Variants in DNAJC3 observed in about 807,000 individuals in gnomAD.
DNAJC3 encodes DnaJ heat shock protein family (Hsp40) member C3, also known as dnaJ homolog subfamily C member 3.
In DNAJC3, 38 loss-of-function variants were observed where a neutral mutation model predicts 68.6. That is an observed-to-expected ratio of 0.55 (90% CI 0.43 to 0.73). The LOEUF is 0.73. DNAJC3 is among the 30% of genes least tolerant of loss of function. The probability of loss-of-function intolerance (pLI) is 0.00; values close to 1 mark genes in which losing one functional copy is unlikely to be tolerated. For synonymous variants in DNAJC3, 203 were observed against 204.0 expected (o/e 1.00, Z 0.04); for missense variants, 526 against 591.9 (o/e 0.89, Z 1.16).
In DNAJC3 at chr13:95,708,332, A is replaced by G. The variant is rs1431709133; in HGVS notation, c.83-895A>G. Among the ~76,000 whole-genome samples, 4 of 152,350 alleles carry G rather than the reference A, an allele frequency of 2.6e-5. No individual in the cohort carries two copies. In the East Asian group the frequency reaches 7.7e-4, roughly 29 times the overall value. On this transcript the variant is annotated intron_variant, in intron 1 of 11. Transcript: ENST00000602402. ...GAGGCAACATATTGATAATTGGCCT[A>G]GTCCATCAGATCATGTTATTGATTC...
intron 4 of DNAJC3, chr13:95,742,696 A>C (rs112476894): frequency 1.9e-6 from 1 of 518,652 alleles, no homozygotes. Context: ...TATACTTGCT[A>C]TTTTGGTTCT....
intron 4 of DNAJC3, among the ~76,000 whole-genome samples, chr13:95,740,076 A>C (rs1238657105): frequency 6.6e-6 from 1 of 151,960 alleles, no homozygotes; most frequent in African/African-American, 2.4e-5. Context: ...CTGCCGTGTG[A>C]GGTGTCAGTG....
At chr13:95,685,242 A>G (rs374808376) in intron 1 of DNAJC3, among the ~76,000 whole-genome samples, 5 of 152,362 alleles carry the variant, frequency 3.3e-5, no homozygotes, top group South Asian at 2.1e-4. Context: ...CCTTGCTGCA[A>G]TATGCCCTGG....
In DNAJC3 at chr13:95,787,249, G is replaced by C. The variant is rs542140095; in HGVS notation, c.1357+94G>C. On this transcript the variant is annotated intron_variant, in intron 11 of 11. Transcript: ENST00000602402. ...TGGGTTCTCCACGTGGGGCTGTATA[G>C]GCAGTGACGGGTCCTGAGCCCAGTT... 5 of 1,473,528 alleles carry C rather than the reference G, an allele frequency of 3.4e-6. No individual in the cohort carries two copies. The South Asian group carries it at 7.1e-5, about 21-fold the overall frequency. 91.3% of individuals were successfully genotyped at this position (1,473,528 alleles called of 1,614,324 possible). A position where few individuals can be genotyped will look rare whatever the true frequency, so the allele number is the denominator to read the frequency against.
chr13:95,678,685 T>C (rs185221983), intron 1 of DNAJC3, among the ~76,000 whole-genome samples: 7 of 152,368 alleles, frequency 4.6e-5, no homozygotes, highest in Middle Eastern at 3.4e-3. Flanking sequence ...ATAATTTATT[T>C]TGGACACTTA....
intron 3 of DNAJC3, among the ~76,000 whole-genome samples, chr13:95,723,831 C>T (rs1396707683): frequency 1.3e-5 from 2 of 152,184 alleles, no homozygotes; most frequent in African/African-American, 4.8e-5. Flanking sequence ...AACCAATCCA[C>T]AAGCTTCAGA....
At chr13:95,757,922 G>A in intron 5 of DNAJC3, 126 bp downstream of exon 5, 1 of 1,055,182 alleles carries the variant, frequency 9.5e-7, no homozygotes, top group Non-Finnish European at 1.3e-6. Flanking sequence ...TTGGGCTTTT[G>A]CCTCTTAAGT....
intron 1 of DNAJC3, among the ~76,000 whole-genome samples, chr13:95,683,793 T>G (rs113324371): frequency 0.017 from 2,589 of 151,050 alleles, 82 homozygotes; most frequent in African/African-American, 0.06. Flanking sequence ...ACTTAGCCTG[T>G]TGTGGAGGTG....
chr13:95,711,531 C>T (rs1880966210), intron 2 of DNAJC3, among the ~76,000 whole-genome samples: 1 of 151,634 alleles, frequency 6.6e-6, no homozygotes, highest in African/African-American at 2.4e-5. Flanking sequence ...AAACTCTACT[C>T]AAGAGACATG....
chr13:95,714,934 A>G (rs935574847), intron 2 of DNAJC3, among the ~76,000 whole-genome samples: 1 of 151,434 alleles, frequency 6.6e-6, no homozygotes, highest in Non-Finnish European at 1.5e-5. Context: ...TTTTAGCTTT[A>G]TCACTGCAAT....
At chr13:95,704,119 G>T (rs1880652972) in intron 1 of DNAJC3, among the ~76,000 whole-genome samples, 1 of 152,148 alleles carries the variant, frequency 6.6e-6, no homozygotes, top group South Asian at 2.1e-4. Flanking sequence ...GTACAAAATG[G>T]CCATATGGGA....
chr13:95,725,668 T>C lies in DNAJC3; in HGVS notation c.393+416T>C, dbSNP rs1881484355. ...TAATGAAACAGATTCTTTTTTTTTT[T>C]CTCTTTTTTTTTATTATTATTATAC... On this transcript the variant is annotated intron_variant, in intron 4 of 11. Coordinates refer to ENST00000602402, the MANE Select transcript of DNAJC3 (RefSeq NM_006260.5). Among the ~76,000 whole-genome samples the C allele has an allele frequency of 3.3e-5, 5 of 151,446 alleles. No homozygotes were observed. In the South Asian group the frequency reaches 1.0e-3, roughly 32 times the overall value.
intron 2 of DNAJC3, among the ~76,000 whole-genome samples, chr13:95,722,389 C>T (rs73550587): frequency 0.015 from 2,261 of 152,186 alleles, 63 homozygotes; most frequent in African/African-American, 0.052. Context: ...ATTTCTAAAA[C>T]CCTGGACACC....
In DNAJC3 at chr13:95,780,197, C is replaced by T. The variant is rs1883410839; in HGVS notation, c.1076-5742C>T. Among the ~76,000 whole-genome samples, 3 of 152,194 alleles carry T rather than the reference C, an allele frequency of 2.0e-5. No homozygotes were observed. The South Asian group carries it at 6.2e-4, about 32-fold the overall frequency. ...TGGCCAGGAGGTCATCTGCCACCAG[C>T]CCCACTTGCCCCTGTACCCCATTCC... On this transcript the variant is annotated intron_variant, in intron 9 of 11. Transcript: ENST00000602402.
At chr13:95,687,711 A>G (rs73550515) in intron 1 of DNAJC3, among the ~76,000 whole-genome samples, 2,600 of 152,098 alleles carry the variant, frequency 0.017, 78 homozygotes, top group African/African-American at 0.06. Context: ...GTAATGTGAT[A>G]CCTCCAGCTT....
chr13:95,745,073 A>G (rs895778820), intron 4 of DNAJC3: 1 of 152,208 alleles, frequency 6.6e-6, no homozygotes, highest in Non-Finnish European at 1.5e-5. Context: ...TCTGGAAACT[A>G]TTAGAGAATG....
Position 95,723,158 on chromosome 13 carries a change from C to T in DNAJC3, c.194-84C>T, listed in dbSNP as rs1455995663. On this transcript the variant is annotated intron_variant, in intron 2 of 11. Transcript: ENST00000602402. ...GTCCATCTTAGTAGAGTTGCAAGTG[C>T]TGATACTGTCCAGGTGATTTGTTTT... 4 of 1,272,642 alleles carry T rather than the reference C, an allele frequency of 3.1e-6. No individual in the cohort carries two copies. In the African/African-American group the frequency reaches 6.1e-5, roughly 19 times the overall value. 78.8% of individuals were successfully genotyped at this position (1,272,642 alleles called of 1,614,324 possible).
chr13:95,760,650 G>A, intron 6 of DNAJC3, 29 bp from the exon 7 acceptor site: 10 of 1,587,166 alleles, frequency 6.3e-6, no homozygotes, highest in Non-Finnish European at 8.5e-6. Context: ...TTGACATGGA[G>A]TATTTTCCTT....
At chr13:95,739,384 G>A (rs998122132) in intron 4 of DNAJC3, among the ~76,000 whole-genome samples, 21 of 151,002 alleles carry the variant, frequency 1.4e-4, no homozygotes, top group African/African-American at 4.9e-4. Context: ...TTGCTAGATT[G>A]GGGAAGTTCT....
Sources: gnomAD v4.1 joint callset for allele counts (sites outside exome capture counted in the v4.1 genomes callset) on GRCh38, gnomAD v4.1.1 for gene constraint, MANE v1.5 for transcripts, NCBI Gene and HGNC (gene_info 2026-07-23, HGNC 2026-07-21) for gene names.